The following GLYATL1 variants were observed in gnomAD, a reference collection of about 807,000 sequenced individuals.
GLYATL1 encodes glycine-N-acyltransferase like 1, also known as glycine N-acyltransferase-like protein 1.
A neutral mutation model predicts 20.0 loss-of-function variants in GLYATL1; 15 were observed. That is an observed-to-expected ratio of 0.75 (90% CI 0.50 to 1.15). The LOEUF is 1.15. Among genes scored for constraint, GLYATL1 ranks in the 50% most tolerant of loss-of-function variants. The probability of loss-of-function intolerance (pLI) is 0.00; values close to 1 mark genes in which losing one functional copy is unlikely to be tolerated. For missense variants in GLYATL1, 380 were observed against 368.5 expected (o/e 1.03, Z -0.26); for synonymous variants, 151 against 131.5 (o/e 1.15, Z -1.01).
Position 58,947,038 on chromosome 11 carries a change from C to A in GLYATL1, c.-42-8C>A. The A allele has an allele frequency of 6.2e-7, 1 of 1,603,720 alleles. No homozygotes were observed. The highest frequency in any genetic ancestry group is 8.5e-7 in the Non-Finnish European group (1 of 1,170,438). ...TTAACATTTTCCCTTCATTTCTTATCTTTTCAGAGTTTCTTCTTCAAGGTC... is the reference window on the plus strand; with the variant it reads ...TTAACATTTTCCCTTCATTTCTTATATTTTCAGAGTTTCTTCTTCAAGGTC... On this transcript the variant is annotated splice_polypyrimidine_tract_variant and splice_region_variant and intron_variant, in intron 2 of 6. Coordinates refer to ENST00000532726, the MANE Select transcript of GLYATL1 (RefSeq NM_001389712.2).
chr11:58,930,033 G>A (rs1390079883), intron 1 of GLYATL1, among the ~76,000 whole-genome samples: 1 of 152,134 alleles, frequency 6.6e-6, no homozygotes, highest in Non-Finnish European at 1.5e-5. Flanking sequence ...AGGTTTTTCA[G>A]GCAGGAGTGC....
chr11:58,943,243 T>C (rs1856299006), intron 1 of GLYATL1: 4 of 1,505,480 alleles, frequency 2.7e-6, no homozygotes, highest in Middle Eastern at 1.7e-4. Flanking sequence ...CCTGTAACAA[T>C]ACTCCAGTGT....
chr11:58,918,423 A>G (rs1453770897), intron 1 of GLYATL1, among the ~76,000 whole-genome samples: 1 of 152,200 alleles, frequency 6.6e-6, no homozygotes, highest in Non-Finnish European at 1.5e-5. Context: ...TTGTGCATGC[A>G]GGTTCCTAGG....
At chr11:58,923,462 G>A (rs762538139), upstream of GLYATL1, among the ~76,000 whole-genome samples, 10 of 152,166 alleles carry the variant, frequency 6.6e-5, no homozygotes, top group Non-Finnish European at 1.2e-4. Flanking sequence ...GAATGGTTGC[G>A]GGAGGGGACC....
At chr11:58,938,095 C>T (rs917426556), upstream of GLYATL1, among the ~76,000 whole-genome samples, 1 of 152,164 alleles carries the variant, frequency 6.6e-6, no homozygotes, top group South Asian at 2.1e-4. Flanking sequence ...ATGCTTACAA[C>T]CTCAAAAATG....
intron 1 of GLYATL1, among the ~76,000 whole-genome samples, chr11:58,921,881 C>T (rs969317841): frequency 6.6e-6 from 1 of 152,206 alleles, no homozygotes; most frequent in Admixed American, 6.5e-5. Context: ...CCTACGAATG[C>T]CATATTCACC....
Position 58,929,081 on chromosome 11 carries a change from C to T in GLYATL1, c.-212+1252C>T, listed in dbSNP as rs556642555. ...GTTTGTGACTATTCCCTATAACTTT[C>T]CCTAATATTTTCCTTTAATACTTCT... is the stretch of plus-strand genomic sequence containing the variant. On this transcript the variant is annotated intron_variant, in intron 1 of 7. Coordinates refer to the GLYATL1 transcript ENST00000317391. Among the ~76,000 whole-genome samples the T allele has an allele frequency of 5.3e-5, 8 of 152,326 alleles. No homozygotes were observed. In the South Asian group the frequency reaches 1.7e-3, roughly 32 times the overall value.
At chr11:58,952,354 C>A (rs1378445038) in intron 4 of GLYATL1, among the ~76,000 whole-genome samples, 1 of 152,140 alleles carries the variant, frequency 6.6e-6, no homozygotes, top group East Asian at 1.9e-4. Context: ...TTTGTATATG[C>A]TACTGAATAT....
chr11:58,941,449 A>G (rs1856147731), intron 1 of GLYATL1, among the ~76,000 whole-genome samples: 1 of 152,018 alleles, frequency 6.6e-6, no homozygotes, highest in Admixed American at 6.6e-5. Context: ...TCATTTCTGG[A>G]CATTTGGGTT....
intron 1 of GLYATL1, among the ~76,000 whole-genome samples, chr11:58,928,115 A>T (rs1590775167): frequency 6.6e-6 from 1 of 152,212 alleles, no homozygotes; most frequent in Non-Finnish European, 1.5e-5. Context: ...AACAGTTTGC[A>T]TTACAGCAAT....
At chr11:58,925,820 C>T (rs187027993), upstream of GLYATL1, among the ~76,000 whole-genome samples, 290 of 152,216 alleles carry the variant, frequency 1.9e-3, 3 homozygotes, top group African/African-American at 6.7e-3. Context: ...CCTATATTCC[C>T]CTTTTTCTGA....
In GLYATL1 at chr11:58,947,840, C is replaced by T. The variant is rs1268536883; in HGVS notation, c.79-18C>T. 1 of 1,555,644 alleles carries T rather than the reference C, an allele frequency of 6.4e-7. No individual in the cohort carries two copies. The highest frequency in any genetic ancestry group is 8.9e-7 in the Non-Finnish European group (1 of 1,126,930). On this transcript the variant is annotated intron_variant, in intron 3 of 6. Coordinates refer to ENST00000532726, the MANE Select transcript of GLYATL1 (RefSeq NM_001389712.2). Reference sequence around the variant, plus strand: ...TGGGGATCTCAACCTCTCCTGGTCCCTTTCATCCCTCCTTCAGGTGTATGG... The same window carrying T: ...TGGGGATCTCAACCTCTCCTGGTCCTTTTCATCCCTCCTTCAGGTGTATGG...
At chr11:58,931,658 G>A (rs1855604617) in intron 1 of GLYATL1, among the ~76,000 whole-genome samples, 1 of 152,150 alleles carries the variant, frequency 6.6e-6, no homozygotes, top group South Asian at 2.1e-4. Flanking sequence ...GAAAGATGTT[G>A]TAATGACATA....
intron 4 of GLYATL1, 80 bp from the exon 5 acceptor site, chr11:58,954,690 C>A: frequency 3.6e-6 from 5 of 1,389,156 alleles, no homozygotes; most frequent in Non-Finnish European, 4.9e-6. Flanking sequence ...TTTGAACTTT[C>A]ATTTTTCTGA....
upstream of GLYATL1, chr11:58,935,334 C>G (rs1855783543): frequency 6.6e-6 from 1 of 152,208 alleles, no homozygotes. Flanking sequence ...GAGTCCAAGG[C>G]AAAGTTCAGT....
intron 6 of GLYATL1, 92 bp from the exon 7 acceptor site, chr11:58,955,518 A>G (rs896919778): frequency 3.5e-6 from 5 of 1,447,318 alleles, no homozygotes; most frequent in Non-Finnish European, 4.7e-6. Context: ...TCTTTAAACA[A>G]GAAGAGTTCC....
intron 4 of GLYATL1, among the ~76,000 whole-genome samples, chr11:58,952,563 T>C (rs1857072149): frequency 6.6e-6 from 1 of 152,230 alleles, no homozygotes; most frequent in South Asian, 2.1e-4. Flanking sequence ...TTTTTTAATT[T>C]CAACATTCTT....
intron 1 of GLYATL1, among the ~76,000 whole-genome samples, chr11:58,921,928 G>A (rs1031120162): frequency 1.3e-5 from 2 of 152,208 alleles, no homozygotes; most frequent in Non-Finnish European, 2.9e-5. Flanking sequence ...GTTAAATGGA[G>A]TGTATAACTG....
At chr11:58,953,813 T>G (rs1004277989) in intron 4 of GLYATL1, among the ~76,000 whole-genome samples, 1 of 152,208 alleles carries the variant, frequency 6.6e-6, no homozygotes, top group Admixed American at 6.5e-5. Flanking sequence ...CTTTAACTCT[T>G]TAGCAATACA....
Sources: gnomAD v4.1 joint callset for allele counts (sites outside exome capture counted in the v4.1 genomes callset) on GRCh38, gnomAD v4.1.1 for gene constraint, MANE v1.5 for transcripts, NCBI Gene and HGNC (gene_info 2026-07-23, HGNC 2026-07-21) for gene names.